CHIC1: variants seen among roughly 807,000 people sequenced by gnomAD.
The protein encoded by CHIC1 is cysteine rich hydrophobic domain 1.
CHIC1 carries 7 observed loss-of-function variants against 18.5 expected under a neutral mutation model. The observed-to-expected ratio is 0.38, with a 90% CI of 0.22 to 0.71. CHIC1 has a LOEUF of 0.71. CHIC1 is among the 30% of genes least tolerant of loss of function. The pLI is 0.49. For synonymous variants in CHIC1, 77 were observed against 73.5 expected (o/e 1.05, Z -0.25); for missense variants, 159 against 176.9 (o/e 0.90, Z 0.57).
intron 3 of CHIC1, among the ~76,000 whole-genome samples, chrX:73,620,140 A>ACCCCCAAAAG (rs2057753194): frequency 8.9e-6 from 1 of 112,064 alleles, no homozygotes; most frequent in Non-Finnish European, 1.9e-5. Context: ...AGTCTTTGCT[A>ACCCCCAAAAG]TTGTGAACAG....
chrX:73,671,106 C>A (rs2058027882), intron 3 of CHIC1, among the ~76,000 whole-genome samples: 1 of 111,802 alleles, frequency 8.9e-6, no homozygotes, highest in Non-Finnish European at 1.9e-5. Flanking sequence ...TGATGTTTCT[C>A]TGTTCAGATG....
intron 2 of CHIC1, among the ~76,000 whole-genome samples, chrX:73,580,161 T>C (rs1314704792): frequency 9.0e-6 from 1 of 111,067 alleles, no homozygotes. Context: ...CTCATTTCTT[T>C]ACAAGCCTTC....
intron 3 of CHIC1, among the ~76,000 whole-genome samples, chrX:73,597,204 CATT>C (rs1344646974): frequency 2.7e-5 from 3 of 111,757 alleles, no homozygotes; most frequent in Admixed American, 1.9e-4. Flanking sequence ...AATGGTGTCT[CATT>C]GTGATTTCGA....
At chrX:73,658,573 A>T (rs1272108206) in intron 3 of CHIC1, among the ~76,000 whole-genome samples, 2 of 106,978 alleles carry the variant, frequency 1.9e-5, no homozygotes, top group African/African-American at 3.4e-5. Context: ...TTTATTATTT[A>T]AAAAAAAATC....
chrX:73,584,204 T>G (rs1385611346), intron 2 of CHIC1, among the ~76,000 whole-genome samples: 2 of 111,063 alleles, frequency 1.8e-5, no homozygotes, highest in Non-Finnish European at 3.8e-5. Flanking sequence ...TTCAGAAGAT[T>G]GATTTTCAAC....
intron 3 of CHIC1, among the ~76,000 whole-genome samples, chrX:73,646,087 A>AT (rs979914423): frequency 1.8e-5 from 2 of 111,653 alleles, no homozygotes; most frequent in Middle Eastern, 4.7e-3. Context: ...TAAGGGTCCA[A>AT]TTTTATTCCT....
intron 3 of CHIC1, among the ~76,000 whole-genome samples, chrX:73,643,719 C>T (rs967604992): frequency 6.2e-5 from 7 of 112,164 alleles, no homozygotes; most frequent in Non-Finnish European, 9.4e-5. Flanking sequence ...TCAGCTCCAT[C>T]AACTCCTTTA....
At chrX:73,661,703 G>A (rs74959695) in intron 3 of CHIC1, among the ~76,000 whole-genome samples, 1 of 111,712 alleles carries the variant, frequency 9.0e-6, no homozygotes, top group African/African-American at 3.3e-5. Context: ...AGGTTCTGCA[G>A]TAAATAAACA....
At chrX:73,624,359 A>C (rs1285767599) in intron 3 of CHIC1, among the ~76,000 whole-genome samples, 1 of 112,173 alleles carries the variant, frequency 8.9e-6, no homozygotes, top group Non-Finnish European at 1.9e-5. Flanking sequence ...AGAGGGATCT[A>C]TCTGATTTTA....
intron 3 of CHIC1, among the ~76,000 whole-genome samples, chrX:73,597,228 C>A (rs1468321569): frequency 1.8e-5 from 2 of 111,534 alleles, no homozygotes; most frequent in African/African-American, 6.5e-5. Context: ...CATACATTTC[C>A]CTCATGATTA....
At chrX:73,669,513 A>G (rs7063554) in intron 3 of CHIC1, among the ~76,000 whole-genome samples, 21,549 of 56,096 alleles carry the variant, frequency 0.38, 2,348 homozygotes, top group African/African-American at 0.54. Context: ...CCCACCCCCC[A>G]CCACACTATG....
intron 1 of CHIC1, among the ~76,000 whole-genome samples, chrX:73,566,673 C>A (rs1487248791): frequency 8.9e-6 from 1 of 111,806 alleles, no homozygotes; most frequent in Non-Finnish European, 1.9e-5. Context: ...TTCTCTTTAC[C>A]CCTCTCTGAT....
intron 3 of CHIC1, among the ~76,000 whole-genome samples, chrX:73,666,085 G>C (rs933109675): frequency 8.9e-6 from 1 of 111,752 alleles, no homozygotes; most frequent in Non-Finnish European, 1.9e-5. Flanking sequence ...CTGGATAAGA[G>C]AATTTGGCTG....
Position 73,676,865 on chromosome X carries a change from A to G in CHIC1, c.508-2461A>G, listed in dbSNP as rs774226484. On this transcript the variant is annotated intron_variant, in intron 3 of 5. Transcript: ENST00000373502. The stretch of plus-strand genomic sequence containing the variant: ...GTTTTTTTCCCGTCTTTGTGGTTTT[A>G]TCTACCTTTGGTCTTTGATGATGGT... Among the ~76,000 whole-genome samples the G allele has an allele frequency of 1.9e-4, 21 of 110,925 alleles. No homozygotes were observed. In the East Asian group the frequency reaches 5.4e-3, roughly 29 times the overall value.
chrX:73,577,309 C>T, intron 1 of CHIC1, 98 bp from the exon 2 acceptor site: 1 of 600,913 alleles, frequency 1.7e-6, no homozygotes, highest in South Asian at 4.9e-5. Flanking sequence ...ATTAAAAGGC[C>T]AAAAGAAAAA....
At chrX:73,627,315 T>C (rs183933568) in intron 3 of CHIC1, among the ~76,000 whole-genome samples, 1 of 112,283 alleles carries the variant, frequency 8.9e-6, no homozygotes, top group Non-Finnish European at 1.9e-5. Context: ...CGCTGACTAC[T>C]ACCTATGTTC....
intron 2 of CHIC1, among the ~76,000 whole-genome samples, chrX:73,582,905 T>G (rs1461548488): frequency 9.0e-6 from 1 of 111,029 alleles, no homozygotes; most frequent in East Asian, 2.8e-4. Flanking sequence ...TGTCTTAGTT[T>G]AATGTGCTTA....
chrX:73,674,726 C>G (rs1462663103), intron 3 of CHIC1, among the ~76,000 whole-genome samples: 3 of 111,497 alleles, frequency 2.7e-5, no homozygotes, highest in African/African-American at 9.8e-5. Context: ...TTTTGTGTCT[C>G]TATTTCCTTC....
chrX:73,643,100 A>C (rs1383373128), intron 3 of CHIC1, among the ~76,000 whole-genome samples: 1 of 111,307 alleles, frequency 9.0e-6, no homozygotes, highest in Non-Finnish European at 1.9e-5. Context: ...TTGTCTGTAA[A>C]GTATTTTATT....
Sources: gnomAD v4.1 joint callset for allele counts (sites outside exome capture counted in the v4.1 genomes callset) on GRCh38, gnomAD v4.1.1 for gene constraint, MANE v1.5 for transcripts, NCBI Gene and HGNC (gene_info 2026-07-23, HGNC 2026-07-21) for gene names.